The following MARCHF10 variants were observed in gnomAD, a reference collection of about 807,000 sequenced individuals.
MARCHF10 encodes membrane associated ring-CH-type finger 10, also known as probable E3 ubiquitin-protein ligase MARCHF10.
A neutral mutation model predicts 76.2 loss-of-function variants in MARCHF10; 64 were observed. That is an observed-to-expected ratio of 0.84 (90% CI 0.69 to 1.03). MARCHF10 has a LOEUF of 1.03. Among genes scored for constraint, MARCHF10 ranks in the 50% least tolerant of loss-of-function variants. The probability of loss-of-function intolerance (pLI) is 0.00; values close to 1 mark genes in which losing one functional copy is unlikely to be tolerated. For synonymous variants in MARCHF10, 340 were observed against 357.5 expected (o/e 0.95, Z 0.55); for missense variants, 875 against 958.0 (o/e 0.91, Z 1.14).
intron 7 of MARCHF10, 49 bp from the exon 8 acceptor site, chr17:62,722,646 G>A: frequency 6.7e-7 from 1 of 1,495,078 alleles, no homozygotes; most frequent in South Asian, 1.2e-5. Flanking sequence ...GGGTCTGTTT[G>A]TGTTAGCACT....
intron 3 of MARCHF10, among the ~76,000 whole-genome samples, chr17:62,775,871 C>A (rs1177361608): frequency 6.6e-6 from 1 of 151,998 alleles, no homozygotes; most frequent in Non-Finnish European, 1.5e-5. Context: ...GGCTGAAATG[C>A]AGTGGTGTGA....
chr17:62,759,127 T>A (rs561950615), intron 4 of MARCHF10, among the ~76,000 whole-genome samples: 1 of 152,352 alleles, frequency 6.6e-6, no homozygotes, highest in South Asian at 2.1e-4. Flanking sequence ...ACAGGAAAAC[T>A]TTATTACTTT....
chr17:62,704,087 C>T (rs1323206621), intron 10 of MARCHF10, among the ~76,000 whole-genome samples: 2 of 151,826 alleles, frequency 1.3e-5, no homozygotes, highest in South Asian at 2.1e-4. Context: ...CTGCCCTGTC[C>T]TCCCGGCCGC....
At position 62,744,538 on chromosome 17, in the gene MARCHF10, G is replaced by T; in HGVS notation, c.383-10C>A. ...ATTGGTGCTTGGTCTGCTGAAAGAT[G>T]CAAAGTCTTTTCAATAATTATTTTG... On this transcript the variant is annotated splice_polypyrimidine_tract_variant and intron_variant, in intron 4 of 10. Coordinates refer to ENST00000311269, the MANE Select transcript of MARCHF10 (RefSeq NM_152598.4). 6.2e-7 allele frequency: 1 copy of T among 1,611,344 alleles called. No homozygotes were observed. Among genetic ancestry groups the T allele is most frequent in the South Asian group, 1.1e-5 (1 of 90,440 alleles).
rs572518119 is a variant in MARCHF10, at chr17:62,710,582, G to A, written c.2328+649C>T. ...TTTTTTTTTTTTTTTTTTTTGAGAC[G>A]GAGTCTCATTCTGTCACCCAGGCTG... On this transcript the variant is annotated intron_variant, in intron 9 of 10. Coordinates refer to ENST00000311269, the MANE Select transcript of MARCHF10 (RefSeq NM_152598.4). Among the ~76,000 whole-genome samples, 27 of 116,620 alleles carry A rather than the reference G, an allele frequency of 2.3e-4. No individual in the cohort carries two copies. The East Asian group carries it at 4.7e-3, about 20-fold the overall frequency. 76.5% of individuals were successfully genotyped at this position (116,620 alleles called of 152,430 possible). A position where few individuals can be genotyped will look rare whatever the true frequency, so the allele number is the denominator to read the frequency against.
intron 8 of MARCHF10, among the ~76,000 whole-genome samples, chr17:62,718,308 G>A (rs1218758415): frequency 1.3e-5 from 2 of 152,268 alleles, no homozygotes; most frequent in Non-Finnish European, 2.9e-5. Context: ...TGGGACCTGC[G>A]GCCTCAGACT....
intron 6 of MARCHF10, among the ~76,000 whole-genome samples, chr17:62,730,679 A>AG (rs1337744413): frequency 6.6e-6 from 1 of 152,136 alleles, no homozygotes; most frequent in Non-Finnish European, 1.5e-5. Context: ...GTGGATCACA[A>AG]GGTCAGGAGT....
Position 62,756,458 on chromosome 17 carries a change from A to G in MARCHF10, c.382+3377T>C, listed in dbSNP as rs76548630. Among the ~76,000 whole-genome samples the G allele has an allele frequency of 6.8e-3, 1,039 of 152,216 alleles. 9 individuals are homozygous for G. Among genetic ancestry groups the G allele is most frequent in the African/African-American group, 0.024 (980 of 41,530 alleles). On this transcript the variant is annotated intron_variant, in intron 4 of 10. Coordinates refer to ENST00000311269, the MANE Select transcript of MARCHF10 (RefSeq NM_152598.4). Reference sequence around the variant, plus strand: ...AAGACCCCATCTCTATAATCAATCAATCAGTCAATCAATAAAATACAACTC... The same window carrying G: ...AAGACCCCATCTCTATAATCAATCAGTCAGTCAATCAATAAAATACAACTC...
intron 6 of MARCHF10, 98 bp from the exon 7 acceptor site, chr17:62,725,202 C>A: frequency 8.9e-7 from 1 of 1,125,574 alleles, no homozygotes; most frequent in Non-Finnish European, 1.2e-6. Flanking sequence ...GAAGAGGGCT[C>A]CTGGTACTCA....
intron 5 of MARCHF10, among the ~76,000 whole-genome samples, chr17:62,739,214 G>A (rs1229452507): frequency 5.3e-5 from 8 of 152,010 alleles, no homozygotes; most frequent in African/African-American, 9.7e-5. Flanking sequence ...CAGGAGAATC[G>A]CTTGAACCCA....
At chr17:62,802,685 G>A (rs983936815) in intron 1 of MARCHF10, among the ~76,000 whole-genome samples, 2 of 152,190 alleles carry the variant, frequency 1.3e-5, no homozygotes, top group Non-Finnish European at 2.9e-5. Flanking sequence ...AATGACACTG[G>A]GTTTGACAGA....
Position 62,735,918 on chromosome 17 carries a change from G to C in MARCHF10, c.1937+13C>G. On this transcript the variant is annotated intron_variant, in intron 6 of 10. Coordinates refer to ENST00000311269, the MANE Select transcript of MARCHF10 (RefSeq NM_152598.4). ...GAAAGTGGAAAAAATATATAATTAT[G>C]AAAAGTCCTCACCTTTCTTGCAATT... is the stretch of plus-strand genomic sequence containing the variant. The C allele has an allele frequency of 6.3e-7, 1 of 1,582,400 alleles. No homozygotes were observed. Among genetic ancestry groups the C allele is most frequent in the South Asian group, 1.2e-5 (1 of 83,856 alleles).
chr17:62,712,705 G>T lies in MARCHF10; in HGVS notation c.2215-1361C>A, dbSNP rs1370131868. Among the ~76,000 whole-genome samples the T allele has an allele frequency of 6.6e-6, 1 of 152,172 alleles. No individual in the cohort carries two copies. Among genetic ancestry groups the T allele is most frequent in the Non-Finnish European group, 1.5e-5 (1 of 68,040 alleles). ...TGTGCTCTGCTGACCTTGGCCTAGA[G>T]TGAGTAGAGAAGAAGTTGCTTGTTT... On this transcript the variant is annotated intron_variant, in intron 8 of 10. Coordinates refer to ENST00000311269, the MANE Select transcript of MARCHF10 (RefSeq NM_152598.4). The surrounding 1 kb of genome is among the most constrained non-coding windows in gnomAD (Gnocchi z 4.2).
At chr17:62,805,726 A>G (rs1164733873) in intron 1 of MARCHF10, among the ~76,000 whole-genome samples, 2 of 152,146 alleles carry the variant, frequency 1.3e-5, no homozygotes, top group Non-Finnish European at 2.9e-5. Flanking sequence ...GGCCTGGCCA[A>G]CGTGGCAAAA....
At position 62,759,381 on chromosome 17, in the gene MARCHF10, ATG is replaced by A. The variant is rs754837454; in HGVS notation, c.382+452_382+453del. On this transcript the variant is annotated intron_variant, in intron 4 of 10. Transcript: ENST00000311269. ...GACCTTATATTCTACTCTGAAATTAATGTTACTGTTTGCATAGGATCACTGGC... is the reference window on the plus strand; with the variant it reads ...GACCTTATATTCTACTCTGAAATTAATTACTGTTTGCATAGGATCACTGGC... Among the ~76,000 whole-genome samples the A allele has an allele frequency of 1.1e-3, 169 of 152,386 alleles. 1 individual carries two copies. Among genetic ancestry groups the A allele is most frequent in the Non-Finnish European group, 2.1e-3 (143 of 68,048 alleles).
intron 9 of MARCHF10, among the ~76,000 whole-genome samples, chr17:62,710,778 C>T (rs548383612): frequency 1.3e-5 from 2 of 152,152 alleles, no homozygotes; most frequent in East Asian, 3.9e-4. Context: ...CCAGGTTGGC[C>T]TCAAATTCCT....
intron 2 of MARCHF10, among the ~76,000 whole-genome samples, chr17:62,793,237 TCCA>T (rs573638272): frequency 0.014 from 594 of 42,526 alleles, 12 homozygotes; most frequent in African/African-American, 0.049. Context: ...CACCACCACC[TCCA>T]CCACCACCAC....
At chr17:62,715,439 C>T (rs2460288) in intron 8 of MARCHF10, among the ~76,000 whole-genome samples, 11,051 of 152,308 alleles carry the variant, frequency 0.073, 595 homozygotes, top group Non-Finnish European at 0.11. Context: ...TTTCCTTAAA[C>T]CTGTTTTCAC....
intron 7 of MARCHF10, among the ~76,000 whole-genome samples, chr17:62,723,041 A>G (rs1297804501): frequency 6.6e-6 from 1 of 151,654 alleles, no homozygotes; most frequent in Non-Finnish European, 1.5e-5. Context: ...TTCTCGATCA[A>G]TGGCTTAAAA....
Sources: allele counts gnomAD v4.1 joint callset (sites outside exome capture counted in the v4.1 genomes callset), GRCh38; gene constraint gnomAD v4.1.1; non-coding constraint Gnocchi (gnomAD v3.1); transcripts MANE v1.5; gene names NCBI Gene and HGNC (gene_info 2026-07-23, HGNC 2026-07-21).